Variants in UNC13C observed in about 807,000 individuals in gnomAD.
UNC13C encodes the protein protein unc-13 homolog C.
UNC13C carries 174 observed loss-of-function variants against 245.4 expected under a neutral mutation model. The observed-to-expected ratio is 0.71, with a 90% CI of 0.63 to 0.80. The LOEUF (loss-of-function observed/expected upper bound fraction) is 0.80, where lower values mean the gene tolerates loss of function less well. UNC13C is among the 30% of genes least tolerant of loss of function. UNC13C has a pLI of 0.00. For missense variants in UNC13C, 2,829 were observed against 2,602.9 expected, an observed-to-expected ratio of 1.09 and a Z score of -1.89; for synonymous variants, 992 against 895.1, an observed-to-expected ratio of 1.11 and a Z score of -1.93.
chr15:53,885,933 G>T, the UNC13C span, among the ~76,000 whole-genome samples: 2 of 152,110 alleles, frequency 1.3e-5, no homozygotes, highest in African/African-American at 4.8e-5. Context: ...TTCTGACCCT[G>T]CTATACCTGT....
chr15:54,392,271 G>GAAACATTC (rs966450964), intron 17 of UNC13C, among the ~76,000 whole-genome samples: 3 of 151,984 alleles, frequency 2.0e-5, no homozygotes, highest in Non-Finnish European at 2.9e-5. Context: ...ATTTATATGT[G>GAAACATTC]AAACATTCAA....
Position 54,525,530 on chromosome 15 carries a change from G to T in UNC13C, c.5458-19G>T. The T allele has an allele frequency of 6.2e-7, 1 of 1,600,818 alleles. No individual in the cohort carries two copies. Among genetic ancestry groups the T allele is most frequent in the Non-Finnish European group, 8.5e-7 (1 of 1,171,318 alleles). Reference sequence around the variant, plus strand: ...TTTCTCAAAACTCCAAAGTAATATTGTTTATGGTCTCTCTGCAGCTAGATT... The same window carrying T: ...TTTCTCAAAACTCCAAAGTAATATTTTTTATGGTCTCTCTGCAGCTAGATT... On this transcript the variant is annotated intron_variant, in intron 24 of 32. Coordinates refer to ENST00000260323, the MANE Select transcript of UNC13C (RefSeq NM_001080534.3).
chr15:54,166,699 A>C (rs2033173987), intron 4 of UNC13C, among the ~76,000 whole-genome samples: 1 of 152,112 alleles, frequency 6.6e-6, no homozygotes, highest in Non-Finnish European at 1.5e-5. Context: ...TTTTTTTATC[A>C]GCAAACAATT....
intron 24 of UNC13C, 85 bp downstream of exon 24, chr15:54,511,915 C>A: frequency 3.4e-6 from 3 of 885,280 alleles, no homozygotes; most frequent in South Asian, 1.5e-5. Flanking sequence ...GTGTCTTAAT[C>A]AAGTTTTTAC....
intron 4 of UNC13C, among the ~76,000 whole-genome samples, chr15:54,150,810 G>GT (rs1326383369): frequency 6.6e-6 from 1 of 152,144 alleles, no homozygotes; most frequent in East Asian, 1.9e-4. Context: ...CAGCATCTAT[G>GT]AAATTAAGAT....
intron 30 of UNC13C, among the ~76,000 whole-genome samples, chr15:54,588,205 C>T (rs967070065): frequency 6.6e-6 from 1 of 152,188 alleles, no homozygotes; most frequent in Non-Finnish European, 1.5e-5. Flanking sequence ...AGCAATGGGG[C>T]ACAACCCATT....
At chr15:54,287,510 T>A (rs1023264722) in intron 10 of UNC13C, among the ~76,000 whole-genome samples, 1 of 152,246 alleles carries the variant, frequency 6.6e-6, no homozygotes, top group Non-Finnish European at 1.5e-5. Flanking sequence ...ATTCATTTAT[T>A]TCATTCAACA....
the UNC13C span, among the ~76,000 whole-genome samples, chr15:53,959,947 G>A: frequency 9.9e-5 from 15 of 152,062 alleles, no homozygotes; most frequent in Non-Finnish European, 1.9e-4. Context: ...TTAATAAATG[G>A]GGTGAACTAG....
At chr15:54,050,308 A>T in intron 2 of UNC13C, 1 of 588,768 alleles carries the variant, frequency 1.7e-6, no homozygotes, top group Non-Finnish European at 3.3e-6. Context: ...TGCCTGCTGT[A>T]TAAAGAACAT....
At chr15:53,992,206 G>A (rs113552321) in intron 1 of UNC13C, among the ~76,000 whole-genome samples, 59 of 152,044 alleles carry the variant, frequency 3.9e-4, no homozygotes, top group African/African-American at 1.3e-3. Flanking sequence ...GTTTAACCTC[G>A]TATACCTCTC....
chr15:53,884,727 TTC>T, the UNC13C span, among the ~76,000 whole-genome samples: 1 of 152,180 alleles, frequency 6.6e-6, no homozygotes, highest in Non-Finnish European at 1.5e-5. Flanking sequence ...AGTCTTGGCA[TTC>T]TCTGAGTAGT....
At chr15:54,241,986 C>A (rs780741129) in intron 7 of UNC13C, among the ~76,000 whole-genome samples, 8 of 152,190 alleles carry the variant, frequency 5.3e-5, no homozygotes, top group Non-Finnish European at 8.8e-5. Flanking sequence ...TGGTCCAGTT[C>A]TACAATTTAC....
At chr15:54,162,728 T>C (rs750021832) in intron 4 of UNC13C, among the ~76,000 whole-genome samples, 1 of 152,220 alleles carries the variant, frequency 6.6e-6, no homozygotes, top group Non-Finnish European at 1.5e-5. Context: ...TTAGTTAATA[T>C]GACTTTTAGT....
chr15:54,612,365 T>C (rs1900153526), intron 30 of UNC13C, among the ~76,000 whole-genome samples: 1 of 152,046 alleles, frequency 6.6e-6, no homozygotes, highest in African/African-American at 2.4e-5. Flanking sequence ...TCTATTTCTT[T>C]CTTCATTTAG....
chr15:54,439,762 T>C (rs943492340), intron 19 of UNC13C, among the ~76,000 whole-genome samples: 1 of 151,990 alleles, frequency 6.6e-6, no homozygotes, highest in African/African-American at 2.4e-5. Flanking sequence ...ACCTCAAATA[T>C]TTATCATTCC....
chr15:54,302,576 GGTTT>G (rs1248661204), intron 13 of UNC13C, among the ~76,000 whole-genome samples: 1 of 152,092 alleles, frequency 6.6e-6, no homozygotes, highest in Admixed American at 6.5e-5. Flanking sequence ...GTTTGTGTCA[GGTTT>G]GTCAAAGATC....
chr15:54,285,255 CTT>C (rs530044662), intron 10 of UNC13C, among the ~76,000 whole-genome samples: 16 of 146,412 alleles, frequency 1.1e-4, no homozygotes, highest in African/African-American at 3.7e-4. Context: ...GTTGAGGACT[CTT>C]TTTTTTTTTA....
intron 2 of UNC13C, among the ~76,000 whole-genome samples, chr15:54,036,628 C>G (rs185030014): frequency 5.1e-4 from 78 of 152,258 alleles, no homozygotes; most frequent in African/African-American, 1.8e-3. Flanking sequence ...TTGGCCTGAG[C>G]CTGTCCAGGA....
chr15:54,554,782 C>T (rs1364569787), intron 28 of UNC13C, among the ~76,000 whole-genome samples: 4 of 151,656 alleles, frequency 2.6e-5, no homozygotes, highest in Non-Finnish European at 5.9e-5. Flanking sequence ...CTTTTTCTGC[C>T]ATCATTTCCC....
Sources: allele counts gnomAD v4.1 joint callset (sites outside exome capture counted in the v4.1 genomes callset), GRCh38; gene constraint gnomAD v4.1.1; transcripts MANE v1.5; gene names NCBI Gene and HGNC (gene_info 2026-07-23, HGNC 2026-07-21).